Variants in ADGRA3 observed in about 807,000 individuals in gnomAD.
ADGRA3 encodes the protein G-protein coupled receptor 125.
Under a neutral mutation model 119.8 loss-of-function variants are expected in ADGRA3, and 56 were observed. The ratio of observed to expected loss-of-function variants is 0.47; its 90% CI spans 0.38 to 0.58. ADGRA3 has a LOEUF of 0.58. Ranked by LOEUF, ADGRA3 falls within the 20% of genes least tolerant of loss-of-function variation. The pLI, the probability that ADGRA3 is intolerant of heterozygous loss-of-function variation, is 0.00. For synonymous variants in ADGRA3, 607 were observed against 623.8 expected, an observed-to-expected ratio of 0.97 and a Z score of 0.40; for missense variants, 1,516 against 1,649.0, an observed-to-expected ratio of 0.92 and a Z score of 1.40.
intron 7 of ADGRA3, among the ~76,000 whole-genome samples, chr4:22,439,910 A>G (rs1716545447): frequency 6.6e-6 from 1 of 152,202 alleles, no homozygotes; most frequent in African/African-American, 2.4e-5. Context: ...TAAATCCCCC[A>G]AATGTCTATC....
chr4:22,427,162 C>T (rs1400746396), intron 10 of ADGRA3, among the ~76,000 whole-genome samples: 1 of 152,004 alleles, frequency 6.6e-6, no homozygotes, highest in African/African-American at 2.4e-5. Context: ...TTATGGCTAA[C>T]AAAAATATTA....
At chr4:22,448,742 A>G (rs1034170040) in intron 4 of ADGRA3, among the ~76,000 whole-genome samples, 1 of 152,160 alleles carries the variant, frequency 6.6e-6, no homozygotes, top group Non-Finnish European at 1.5e-5. Flanking sequence ...CAAGAACAAC[A>G]CTGGATTGGT....
At chr4:22,397,978 A>G in intron 16 of ADGRA3, 1 of 610,036 alleles carries the variant, frequency 1.6e-6, no homozygotes, top group Non-Finnish European at 2.1e-6. Flanking sequence ...AAACAGTAAC[A>G]ATAAAGTGAG....
At chr4:22,411,992 T>C (rs1320570228) in intron 14 of ADGRA3, among the ~76,000 whole-genome samples, 1 of 152,128 alleles carries the variant, frequency 6.6e-6, no homozygotes, top group African/African-American at 2.4e-5. Flanking sequence ...AAGAAAATTA[T>C]TTATAATTCA....
intron 1 of ADGRA3, among the ~76,000 whole-genome samples, chr4:22,503,427 T>C (rs1387762657): frequency 1.3e-5 from 2 of 152,154 alleles, no homozygotes; most frequent in African/African-American, 2.4e-5. Context: ...ATGAATTAAT[T>C]ACTCAGATCC....
At chr4:22,482,688 G>C (rs917626826) in intron 1 of ADGRA3, among the ~76,000 whole-genome samples, 10 of 152,062 alleles carry the variant, frequency 6.6e-5, no homozygotes, top group Non-Finnish European at 1.2e-4. Flanking sequence ...CAAAACCCAT[G>C]ATGTAGATAT....
At chr4:22,417,535 CATTCAGAAAGGTTA>C (rs2109029520) in intron 12 of ADGRA3, among the ~76,000 whole-genome samples, 1 of 152,250 alleles carries the variant, frequency 6.6e-6, no homozygotes, top group African/African-American at 2.4e-5. Flanking sequence ...GAGAAACTGA[CATTCAGAAAGGTTA>C]AGGTAGTTGC....
At chr4:22,476,753 G>A (rs780700730) in intron 1 of ADGRA3, among the ~76,000 whole-genome samples, 19 of 151,342 alleles carry the variant, frequency 1.3e-4, no homozygotes, top group East Asian at 9.8e-4. Context: ...TACAATCTAC[G>A]CCTCCAGGGT....
At chr4:22,495,680 G>C in intron 1 of ADGRA3, among the ~76,000 whole-genome samples, 1 of 151,762 alleles carries the variant, frequency 6.6e-6, no homozygotes, top group South Asian at 2.1e-4. Context: ...AGGCCAGGGC[G>C]GGTGGATGAC....
rs1177084987 is a variant in ADGRA3 at position 22,432,654 on chromosome 4, A to G, written c.1443+2657T>C. 3.3e-5 allele frequency among the ~76,000 whole-genome samples: 5 copies of G among 152,330 alleles called. No individual in the cohort carries two copies. In the East Asian group the frequency reaches 5.8e-4, roughly 18 times the overall value. Reference sequence around the variant, plus strand: ...CTTATAAAATATGCATATTGTTTTCATAAGAAAAATCACTTTAGTAAATAC... The same window carrying G: ...CTTATAAAATATGCATATTGTTTTCGTAAGAAAAATCACTTTAGTAAATAC... On this transcript the variant is annotated intron_variant, in intron 10 of 18. Coordinates refer to ENST00000334304, the MANE Select transcript of ADGRA3 (RefSeq NM_145290.4).
chr4:22,452,424 G>C (rs1257652585), intron 4 of ADGRA3, among the ~76,000 whole-genome samples: 2 of 152,026 alleles, frequency 1.3e-5, no homozygotes, highest in East Asian at 1.9e-4. Flanking sequence ...CAAATTTAAA[G>C]GCCACTATAA....
At chr4:22,475,388 T>C (rs750416335) in intron 1 of ADGRA3, among the ~76,000 whole-genome samples, 1 of 152,162 alleles carries the variant, frequency 6.6e-6, no homozygotes, top group Admixed American at 6.5e-5. Context: ...AAACATGGTA[T>C]GTTATCACTC....
At chr4:22,421,807 G>A (rs566333373) in intron 11 of ADGRA3, among the ~76,000 whole-genome samples, 1 of 144,322 alleles carries the variant, frequency 6.9e-6, no homozygotes, top group African/African-American at 2.6e-5. Context: ...TTGAACTTAG[G>A]GAGGCAGAGG....
chr4:22,433,634 G>A (rs1716272986), intron 10 of ADGRA3, among the ~76,000 whole-genome samples: 1 of 152,144 alleles, frequency 6.6e-6, no homozygotes, highest in Admixed American at 6.5e-5. Flanking sequence ...TGGGAGGTGA[G>A]CAAAACAGGT....
chr4:22,515,832 G>C lies in ADGRA3; in HGVS notation c.-48C>G, dbSNP rs971533685. Reference sequence around the variant, plus strand: ...GCGAGCGGCGGCGCACTGGCCTAGCGGGCCGCCCCGGAGCCCGGGCGGGCA... The same window carrying C: ...GCGAGCGGCGGCGCACTGGCCTAGCCGGCCGCCCCGGAGCCCGGGCGGGCA... On this transcript the variant is annotated 5_prime_UTR_variant, in exon 1 of 19. Coordinates refer to ENST00000334304, the MANE Select transcript of ADGRA3 (RefSeq NM_145290.4). 2.4e-5 allele frequency: 24 copies of C among 982,326 alleles called. No individual in the cohort carries two copies. Among genetic ancestry groups the C allele is most frequent in the East Asian group, 1.1e-4 (1 of 8,740 alleles). 60.9% of individuals were successfully genotyped at this position (982,326 alleles called of 1,614,324 possible).
intron 2 of ADGRA3, among the ~76,000 whole-genome samples, chr4:22,472,703 T>A (rs1271723397): frequency 6.6e-6 from 1 of 151,652 alleles, no homozygotes; most frequent in Non-Finnish European, 1.5e-5. Context: ...CCTGTGCGAG[T>A]TCAATCACAG....
intron 17 of ADGRA3, among the ~76,000 whole-genome samples, chr4:22,392,333 T>C (rs1714167174): frequency 1.3e-5 from 2 of 152,176 alleles, no homozygotes; most frequent in South Asian, 4.1e-4. Context: ...AGCCCCACTT[T>C]TGAGATGATC....
At chr4:22,463,959 C>T (rs1401764612) in intron 2 of ADGRA3, among the ~76,000 whole-genome samples, 1 of 151,998 alleles carries the variant, frequency 6.6e-6, no homozygotes, top group Non-Finnish European at 1.5e-5. Context: ...CCTGGGATCA[C>T]TGTGACCTCC....
At chr4:22,510,648 T>C (rs1347352321) in intron 1 of ADGRA3, among the ~76,000 whole-genome samples, 1 of 152,110 alleles carries the variant, frequency 6.6e-6, no homozygotes, top group Non-Finnish European at 1.5e-5. Context: ...GTCTCTCCAC[T>C]TCAAGTGGGC....
Sources: gnomAD v4.1 joint callset for allele counts (sites outside exome capture counted in the v4.1 genomes callset) on GRCh38, gnomAD v4.1.1 for gene constraint, MANE v1.5 for transcripts, NCBI Gene and HGNC (gene_info 2026-07-23, HGNC 2026-07-21) for gene names.